The following NCALD variants were observed in gnomAD, a reference collection of about 807,000 sequenced individuals.
The protein encoded by NCALD is neurocalcin-delta.
Under a neutral mutation model 18.6 loss-of-function variants are expected in NCALD, and 10 were observed. The ratio of observed to expected loss-of-function variants is 0.54; its 90% confidence interval spans 0.33 to 0.91. The LOEUF is 0.91. Ranked by LOEUF, NCALD falls within the 40% of genes least tolerant of loss-of-function variation. NCALD has a pLI of 0.03. For synonymous variants in NCALD, 88 were observed against 87.4 expected, an observed-to-expected ratio of 1.01 and a Z score of -0.04; for missense variants, 184 against 247.6, an observed-to-expected ratio of 0.74 and a Z score of 1.72.
chr8:102,006,845 T>C (rs1471236432), intron 2 of NCALD, among the ~76,000 whole-genome samples: 1 of 152,244 alleles, frequency 6.6e-6, no homozygotes, highest in Non-Finnish European at 1.5e-5. Flanking sequence ...TAGTGCTTTG[T>C]TACATTTGTT....
chr8:101,951,216 T>C (rs1033863898), intron 2 of NCALD, among the ~76,000 whole-genome samples: 1 of 152,210 alleles, frequency 6.6e-6, no homozygotes, highest in African/African-American at 2.4e-5. Context: ...GACAGTATTA[T>C]AGGAGGCTAG....
At chr8:101,812,737 C>T (rs569391868) in intron 4 of NCALD, among the ~76,000 whole-genome samples, 16 of 152,260 alleles carry the variant, frequency 1.1e-4, no homozygotes, top group Non-Finnish European at 1.5e-4. Context: ...CAGATTCCTA[C>T]GAGCAGGAGT....
chr8:101,976,104 T>C (rs956190555), intron 2 of NCALD, among the ~76,000 whole-genome samples: 3 of 152,164 alleles, frequency 2.0e-5, no homozygotes, highest in Admixed American at 6.5e-5. Context: ...TCTTTACAGC[T>C]CTTCTCTGTG....
intron 1 of NCALD, among the ~76,000 whole-genome samples, chr8:101,763,969 CA>C (rs1190500007): frequency 0.016 from 207 of 12,758 alleles, 1 homozygote; most frequent in Middle Eastern, 0.071. Flanking sequence ...TCTCTCTCCA[CA>C]CACACACACA....
chr8:101,713,782 A>G (rs114864533), intron 2 of NCALD, among the ~76,000 whole-genome samples: 3,894 of 152,282 alleles, frequency 0.026, 131 homozygotes, highest in African/African-American at 0.077. Context: ...AATTGAGGCA[A>G]TAATTGATAG....
intron 1 of NCALD, among the ~76,000 whole-genome samples, chr8:102,073,208 G>A (rs1469364843): frequency 6.6e-6 from 1 of 152,188 alleles, no homozygotes; most frequent in Non-Finnish European, 1.5e-5. Flanking sequence ...GGCTGAGGAA[G>A]GAGAATTGCT....
chr8:101,825,395 AAATGGACAG>A (rs1446352419), intron 4 of NCALD, among the ~76,000 whole-genome samples: 2 of 152,238 alleles, frequency 1.3e-5, no homozygotes, highest in Non-Finnish European at 2.9e-5. Flanking sequence ...GAGGAAACCC[AAATGGACAG>A]AGGGTACAGT....
chr8:102,104,836 AG>A (rs1354399538), intron 1 of NCALD, among the ~76,000 whole-genome samples: 1 of 152,240 alleles, frequency 6.6e-6, no homozygotes, highest in Non-Finnish European at 1.5e-5. Context: ...ACAATGACCC[AG>A]GCCTGACCAA....
At chr8:101,692,922 AAG>A (rs763118744) in intron 2 of NCALD, 26 bp from the exon 3 acceptor site, 13 of 1,539,964 alleles carry the variant, frequency 8.4e-6, no homozygotes, top group Non-Finnish European at 1.2e-5. Flanking sequence ...ACATGGTGGT[AAG>A]ACAGAAAAAC....
At chr8:101,994,403 G>T (rs551451563) in intron 2 of NCALD, among the ~76,000 whole-genome samples, 1 of 152,090 alleles carries the variant, frequency 6.6e-6, no homozygotes, top group African/African-American at 2.4e-5. Flanking sequence ...GTTTTTCCCT[G>T]TTCCCAGGGC....
chr8:102,008,049 A>C (rs866719246), intron 2 of NCALD, among the ~76,000 whole-genome samples: 1 of 152,218 alleles, frequency 6.6e-6, no homozygotes, highest in African/African-American at 2.4e-5. Flanking sequence ...TAATTCTTCC[A>C]TTCAACATTT....
chr8:101,997,705 ATTTCT>A (rs1169400608), intron 2 of NCALD, among the ~76,000 whole-genome samples: 1 of 152,160 alleles, frequency 6.6e-6, no homozygotes, highest in African/African-American at 2.4e-5. Flanking sequence ...TTTCAGCTCT[ATTTCT>A]CTGAGCCTCG....
intron 3 of NCALD, chr8:101,691,168 C>A: frequency 3.0e-6 from 3 of 985,456 alleles, no homozygotes; most frequent in Non-Finnish European, 2.4e-6. Context: ...TGAGCTGAAG[C>A]ACCCAGTCTC....
intron 4 of NCALD, among the ~76,000 whole-genome samples, chr8:101,848,614 T>C (rs1225579823): frequency 6.6e-6 from 1 of 152,212 alleles, no homozygotes; most frequent in Non-Finnish European, 1.5e-5. Flanking sequence ...CTAAGATTTT[T>C]AATGTTTGAT....
At chr8:101,727,630 A>T (rs1172777910) in intron 1 of NCALD, among the ~76,000 whole-genome samples, 1 of 152,234 alleles carries the variant, frequency 6.6e-6, no homozygotes, top group East Asian at 1.9e-4. Context: ...ACAGATGCAC[A>T]TTACCATGCC....
At chr8:101,771,982 C>T (rs1006025092) in intron 1 of NCALD, among the ~76,000 whole-genome samples, 1 of 152,182 alleles carries the variant, frequency 6.6e-6, no homozygotes, top group Non-Finnish European at 1.5e-5. Flanking sequence ...GGGCCTTCCA[C>T]TCAGTTTACA....
At chr8:101,717,535 G>C (rs1303746370) in intron 2 of NCALD, among the ~76,000 whole-genome samples, 1 of 152,134 alleles carries the variant, frequency 6.6e-6, no homozygotes, top group East Asian at 1.9e-4. Context: ...TTAACAAATA[G>C]AACTTTAATT....
chr8:101,806,337 G>A (rs1204888564), intron 4 of NCALD, among the ~76,000 whole-genome samples: 13 of 151,938 alleles, frequency 8.6e-5, no homozygotes, highest in African/African-American at 3.1e-4. Context: ...ACTCATACAC[G>A]GGAAAAAAAG....
chr8:101,839,732 G>T (rs980163524), intron 4 of NCALD, among the ~76,000 whole-genome samples: 3 of 152,122 alleles, frequency 2.0e-5, no homozygotes, highest in Admixed American at 2.0e-4. Context: ...AATGTCTTTA[G>T]AATAAATCAA....
Sources: allele counts gnomAD v4.1 joint callset (sites outside exome capture counted in the v4.1 genomes callset), GRCh38; gene constraint gnomAD v4.1.1; transcripts MANE v1.5; gene names NCBI Gene and HGNC (gene_info 2026-07-23, HGNC 2026-07-21).